The following LUZP2 variants were observed in gnomAD, a reference collection of about 807,000 sequenced individuals.
LUZP2 encodes leucine zipper protein 2.
LUZP2 carries 52 observed loss-of-function variants against 51.6 expected under a neutral mutation model. The observed-to-expected ratio is 1.01, with a 90% confidence interval of 0.81 to 1.27. The LOEUF is 1.27. Ranked by LOEUF, LUZP2 falls within the 50% of genes most tolerant of loss-of-function variation. The probability of loss-of-function intolerance (pLI) is 0.00; values close to 1 mark genes in which losing one functional copy is unlikely to be tolerated. For missense variants in LUZP2, 436 were observed against 395.4 expected, an observed-to-expected ratio of 1.10 and a Z score of -0.87; for synonymous variants, 154 against 137.3, an observed-to-expected ratio of 1.12 and a Z score of -0.85.
chr11:24,914,912 G>GA (rs1437953525), intron 7 of LUZP2, among the ~76,000 whole-genome samples: 1 of 152,096 alleles, frequency 6.6e-6, no homozygotes, highest in Non-Finnish European at 1.5e-5. Flanking sequence ...AGAAATGTTA[G>GA]AAGACAATGA....
intron 1 of LUZP2, among the ~76,000 whole-genome samples, chr11:24,710,756 T>A (rs1012512359): frequency 6.8e-6 from 1 of 146,308 alleles, no homozygotes; most frequent in Non-Finnish European, 1.5e-5. Flanking sequence ...TGTAAATTTA[T>A]CACATTTTTT....
intron 1 of LUZP2, among the ~76,000 whole-genome samples, chr11:24,596,213 C>A (rs758802643): frequency 2.0e-5 from 3 of 152,196 alleles, no homozygotes; most frequent in Non-Finnish European, 2.9e-5. Context: ...TCCCACCTAT[C>A]TTGCACTTTA....
chr11:24,679,773 A>G (rs1194096535), intron 1 of LUZP2, among the ~76,000 whole-genome samples: 2 of 152,114 alleles, frequency 1.3e-5, no homozygotes, highest in Non-Finnish European at 2.9e-5. Context: ...GTAATTACTC[A>G]CCATAATCCT....
chr11:25,030,181 G>C (rs1857604710), intron 9 of LUZP2, among the ~76,000 whole-genome samples: 1 of 152,002 alleles, frequency 6.6e-6, no homozygotes, highest in East Asian at 1.9e-4. Flanking sequence ...TGATTATTCT[G>C]AATTTTATAG....
chr11:24,541,582 C>T (rs1851365967), intron 1 of LUZP2, among the ~76,000 whole-genome samples: 1 of 152,098 alleles, frequency 6.6e-6, no homozygotes, highest in Admixed American at 6.6e-5. Context: ...GTTGAATTCT[C>T]AGCTTGAGAT....
At chr11:24,903,752 C>G (rs1461694676) in intron 5 of LUZP2, among the ~76,000 whole-genome samples, 3 of 152,106 alleles carry the variant, frequency 2.0e-5, no homozygotes, top group African/African-American at 7.2e-5. Context: ...GACAGAAAAG[C>G]CTGAGTGCAA....
chr11:24,708,164 A>T (rs1041716402), intron 1 of LUZP2, among the ~76,000 whole-genome samples: 1 of 152,174 alleles, frequency 6.6e-6, no homozygotes, highest in East Asian at 1.9e-4. Flanking sequence ...AGAAGGCAAA[A>T]AATTGAAAAT....
At chr11:24,715,300 TGTGTGTGC>T (rs763270341) in intron 1 of LUZP2, among the ~76,000 whole-genome samples, 4,874 of 78,508 alleles carry the variant, frequency 0.062, 99 homozygotes, top group Non-Finnish European at 0.086. Flanking sequence ...TGTGTGTGTG[TGTGTGTGC>T]ATGCGTATTT....
chr11:24,615,128 T>C (rs940980266), intron 1 of LUZP2, among the ~76,000 whole-genome samples: 2 of 151,970 alleles, frequency 1.3e-5, no homozygotes, highest in African/African-American at 4.8e-5. Flanking sequence ...ATTGTAAATA[T>C]ACATATATGC....
chr11:24,866,887 A>G (rs1851915273), intron 5 of LUZP2, among the ~76,000 whole-genome samples: 1 of 152,162 alleles, frequency 6.6e-6, no homozygotes, highest in South Asian at 2.1e-4. Flanking sequence ...TGAGAGAGCC[A>G]CCGTAACAGG....
chr11:24,593,023 G>A (rs186560325), intron 1 of LUZP2, among the ~76,000 whole-genome samples: 64 of 152,072 alleles, frequency 4.2e-4, no homozygotes, highest in African/African-American at 1.4e-3. Context: ...TTGACACCTC[G>A]ATTCTTTCTT....
chr11:24,842,657 A>C (rs898838717), intron 5 of LUZP2, among the ~76,000 whole-genome samples: 3 of 152,020 alleles, frequency 2.0e-5, no homozygotes, highest in Non-Finnish European at 2.9e-5. Context: ...CTTAGACGCA[A>C]ATACTTCTAA....
At chr11:24,960,265 A>C (rs1855351760) in intron 7 of LUZP2, among the ~76,000 whole-genome samples, 1 of 152,220 alleles carries the variant, frequency 6.6e-6, no homozygotes, top group Admixed American at 6.5e-5. Flanking sequence ...CTGGCCTCTT[A>C]AAATGAGTTA....
chr11:24,873,500 C>T (rs769858542), intron 5 of LUZP2, among the ~76,000 whole-genome samples: 22 of 152,122 alleles, frequency 1.4e-4, no homozygotes, highest in Admixed American at 3.9e-4. Flanking sequence ...TATGACTTTC[C>T]TCCCTTTTTC....
intron 1 of LUZP2, among the ~76,000 whole-genome samples, chr11:24,639,749 C>G (rs1253178661): frequency 1.3e-5 from 2 of 151,856 alleles, no homozygotes; most frequent in Admixed American, 6.6e-5. Context: ...CTGTGCCCGG[C>G]CTTAATGTTT....
intron 4 of LUZP2, among the ~76,000 whole-genome samples, chr11:24,762,095 A>ATTGC (rs111545459): frequency 6.6e-6 from 1 of 152,240 alleles, no homozygotes; most frequent in Non-Finnish European, 1.5e-5. Flanking sequence ...CATTTTACGT[A>ATTGC]TTCTTGTTCT....
In LUZP2 at chr11:24,886,395, G is replaced by T. The variant is rs537877181; in HGVS notation, c.397-19596G>T. Among the ~76,000 whole-genome samples, 15 of 152,174 alleles carry T rather than the reference G, an allele frequency of 9.9e-5. 1 individual carries two copies. The highest frequency in any genetic ancestry group is 3.6e-4 in the African/African-American group (15 of 41,540). ...ACTCAAAACAATTCTATAAATAATT[G>T]AAGCTCCTTCCATGTTGGAAGTCTA... On this transcript the variant is annotated intron_variant, in intron 5 of 11. Transcript: ENST00000336930.
rs181071698 is a variant in LUZP2 at position 25,007,461 on chromosome 11, G to A, written c.765+24168G>A. ...CTACTAAAAATACAAAAATAAGCTG[G>A]GCATGGTGGCATGTGCCTGTAATCC... is the stretch of plus-strand genomic sequence containing the variant. On this transcript the variant is annotated intron_variant, in intron 9 of 11. Transcript: ENST00000336930. Among the ~76,000 whole-genome samples the A allele has an allele frequency of 6.8e-3, 1,031 of 152,138 alleles. 15 individuals are homozygous for A. The highest frequency in any genetic ancestry group is 0.023 in the African/African-American group (967 of 41,506).
intron 7 of LUZP2, among the ~76,000 whole-genome samples, chr11:24,973,783 T>C (rs1855813568): frequency 6.6e-6 from 1 of 152,162 alleles, no homozygotes; most frequent in Non-Finnish European, 1.5e-5. Flanking sequence ...TTGATTGTGC[T>C]GTGGTCTGGG....
Sources: gnomAD v4.1 joint callset for allele counts (sites outside exome capture counted in the v4.1 genomes callset) on GRCh38, gnomAD v4.1.1 for gene constraint, MANE v1.5 for transcripts, NCBI Gene and HGNC (gene_info 2026-07-23, HGNC 2026-07-21) for gene names.